GPR155: variants seen among roughly 807,000 people sequenced by gnomAD.
GPR155 encodes G protein-coupled receptor 155.
GPR155 carries 65 observed loss-of-function variants against 93.1 expected under a neutral mutation model. The observed-to-expected ratio is 0.70, with a 90% CI of 0.57 to 0.86. GPR155 has a LOEUF of 0.86. Among genes scored for constraint, GPR155 ranks in the 40% least tolerant of loss-of-function variants. GPR155 has a pLI of 0.00. For missense variants in GPR155, 838 were observed against 1,034.8 expected (o/e 0.81, Z 2.61); for synonymous variants, 319 against 360.1 (o/e 0.89, Z 1.29).
chr2:174,460,969 A>G (rs1687674453), intron 9 of GPR155, among the ~76,000 whole-genome samples: 1 of 152,184 alleles, frequency 6.6e-6, no homozygotes, highest in South Asian at 2.1e-4. Flanking sequence ...CTCCACTCCT[A>G]AAGAATTCTG....
chr2:174,432,628 GA>G lies in GPR155; in HGVS notation c.*3487del, dbSNP rs994032946. On this transcript the variant is annotated 3_prime_UTR_variant, in exon 16 of 16. Coordinates refer to ENST00000392552, the MANE Select transcript of GPR155 (RefSeq NM_152529.7). The stretch of plus-strand genomic sequence containing the variant: ...TCATAATATGGTCTTATTAAAAAAG[GA>G]AAGTTCCGCAGCAAGACAATTCAGC... 1 of 152,132 alleles carries G rather than the reference GA, an allele frequency of 6.6e-6. No homozygotes were observed. Among genetic ancestry groups the G allele is most frequent in the African/African-American group, 2.4e-5 (1 of 41,430 alleles). 9.4% of individuals were successfully genotyped at this position (152,132 alleles called of 1,614,324 possible). A position where few individuals can be genotyped will look rare whatever the true frequency, so the allele number is the denominator to read the frequency against.
At position 174,468,058 on chromosome 2, in the gene GPR155, T is replaced by C. The variant is rs541204060; in HGVS notation, c.1182+854A>G. The stretch of plus-strand genomic sequence containing the variant: ...ATCACATTCCTCATATTTTAAAGGA[T>C]TGGGTTTCCATTCTACCTACGTATT... On this transcript the variant is annotated intron_variant, in intron 5 of 15. Coordinates refer to ENST00000392552, the MANE Select transcript of GPR155 (RefSeq NM_152529.7). Among the ~76,000 whole-genome samples the C allele has an allele frequency of 4.6e-5, 7 of 152,318 alleles. No individual in the cohort carries two copies. The South Asian group carries it at 6.2e-4, about 14-fold the overall frequency.
At chr2:174,468,344 A>T (rs939473510) in intron 5 of GPR155, among the ~76,000 whole-genome samples, 1 of 152,168 alleles carries the variant, frequency 6.6e-6, no homozygotes, top group African/African-American at 2.4e-5. Flanking sequence ...TCAATAGGCC[A>T]TTTGATCTGT....
chr2:174,436,072 CGCG>C lies in GPR155; in HGVS notation c.*41_*43del, dbSNP rs1686769361. 1 of 1,522,242 alleles carries C rather than the reference CGCG, an allele frequency of 6.6e-7. No homozygotes were observed. Among genetic ancestry groups the C allele is most frequent in the Non-Finnish European group, 9.0e-7 (1 of 1,108,802 alleles). The allele number at this position is 1,522,242 out of a possible 1,614,324, so 94.3% of individuals were successfully genotyped here. ...TCACCCAGCTAAAAACTAATGAATA[CGCG>C]GCTAGAATATGATTCCATGTAGGGT... is the stretch of plus-strand genomic sequence containing the variant. On this transcript the variant is annotated 3_prime_UTR_variant, in exon 16 of 16. Coordinates refer to ENST00000392552, the MANE Select transcript of GPR155 (RefSeq NM_152529.7).
At chr2:174,483,248 G>A (rs898063042) in intron 1 of GPR155, 1 of 151,910 alleles carries the variant, frequency 6.6e-6, no homozygotes, top group African/African-American at 2.4e-5. Flanking sequence ...ATGGATCAAT[G>A]TTCTCTTTCA....
At chr2:174,486,671 C>T (rs1053996375) in intron 1 of GPR155, among the ~76,000 whole-genome samples, 1 of 152,168 alleles carries the variant, frequency 6.6e-6, no homozygotes, top group Non-Finnish European at 1.5e-5. Flanking sequence ...CCCGCGCGAG[C>T]CTTCCCGGGT....
intron 2 of GPR155, among the ~76,000 whole-genome samples, chr2:174,478,910 C>A (rs1688242435): frequency 6.6e-6 from 1 of 151,686 alleles, no homozygotes; most frequent in Non-Finnish European, 1.5e-5. Context: ...TAATAAGTTA[C>A]CTCATCAGGC....
rs1686647459 is a variant in GPR155, at chr2:174,431,602, C to T, written c.*4514G>A. On this transcript the variant is annotated 3_prime_UTR_variant, in exon 16 of 16. Transcript: ENST00000392552. Reference sequence around the variant, plus strand: ...TAATTATTTCAACCTTTTATCATACCAATTGCAGAAATTTATAATCTCATC... The same window carrying T: ...TAATTATTTCAACCTTTTATCATACTAATTGCAGAAATTTATAATCTCATC... The T allele has an allele frequency of 6.6e-6, 1 of 152,120 alleles. No individual in the cohort carries two copies. The highest frequency in any genetic ancestry group is 2.4e-5 in the African/African-American group (1 of 41,426). The allele number at this position is 152,120 out of a possible 1,614,324, so 9.4% of individuals were successfully genotyped here. A position where few individuals can be genotyped will look rare whatever the true frequency, so the allele number is the denominator to read the frequency against.
At chr2:174,438,576 C>T (rs1393084907) in intron 15 of GPR155, among the ~76,000 whole-genome samples, 2 of 152,084 alleles carry the variant, frequency 1.3e-5, no homozygotes, top group Non-Finnish European at 2.9e-5. Flanking sequence ...GGCGTGATCT[C>T]AGCTCATTGC....
At chr2:174,459,066 G>A (rs1687604375) in intron 10 of GPR155, among the ~76,000 whole-genome samples, 1 of 152,100 alleles carries the variant, frequency 6.6e-6, no homozygotes, top group Admixed American at 6.5e-5. Context: ...CTGGGTAACA[G>A]AGCGAGACTC....
intron 10 of GPR155, among the ~76,000 whole-genome samples, chr2:174,455,476 C>G (rs1000205208): frequency 2.6e-5 from 4 of 152,170 alleles, no homozygotes; most frequent in Non-Finnish European, 5.9e-5. Context: ...GAAGCAGGAG[C>G]CTGATGTGGC....
chr2:174,475,001 G>C (rs1036811040), intron 2 of GPR155, among the ~76,000 whole-genome samples: 1 of 152,188 alleles, frequency 6.6e-6, no homozygotes, highest in East Asian at 1.9e-4. Context: ...ACATGTAAAA[G>C]ATTAGGTTTC....
intron 11 of GPR155, among the ~76,000 whole-genome samples, chr2:174,451,238 C>T (rs1005036497): frequency 6.6e-6 from 1 of 151,710 alleles, no homozygotes; most frequent in Non-Finnish European, 1.5e-5. Context: ...TGCTTGAACC[C>T]GGGAGGCAGA....
chr2:174,480,782 A>T (rs4972667), intron 2 of GPR155, among the ~76,000 whole-genome samples: 44,667 of 151,400 alleles, frequency 0.3, 7,283 homozygotes, highest in East Asian at 0.5. Context: ...TTTTTTTTTT[A>T]AATTTGAGAC....
Position 174,453,834 on chromosome 2 carries a change from G to A in GPR155, c.1779C>T (p.Cys593=). 1.2e-6 allele frequency: 2 copies of A among 1,608,144 alleles called. No individual in the cohort carries two copies. The highest frequency in any genetic ancestry group is 1.7e-6 in the Non-Finnish European group (2 of 1,174,832). Residue 593 remains cysteine, a synonymous_variant, in exon 11 of 16, where the codon TGC becomes TGT. Coordinates refer to ENST00000392552, the MANE Select transcript of GPR155 (RefSeq NM_152529.7). The part of the protein sequence containing the change: ...FTSSIPETSC[C]SCSMGNGELH... ...ATTCACCATTTCCCATGGAGCAGGA[G>A]CAGCAACCTATATCAATCAAATAGT...
At chr2:174,445,385 T>C in intron 12 of GPR155, 1 of 460,578 alleles carries the variant, frequency 2.2e-6, no homozygotes, top group East Asian at 3.7e-5. Context: ...AGTTATCTAT[T>C]CTGATCAGAT....
intron 11 of GPR155, 145 bp downstream of exon 11, chr2:174,453,592 A>G (rs1232810753): frequency 1.9e-6 from 1 of 514,596 alleles, no homozygotes; most frequent in East Asian, 3.2e-5. Flanking sequence ...CCTGGGAGGC[A>G]CAGCTTGCAG....
chr2:174,443,422 A>G (rs951355847), intron 13 of GPR155, among the ~76,000 whole-genome samples: 3 of 152,212 alleles, frequency 2.0e-5, no homozygotes, highest in African/African-American at 7.2e-5. Flanking sequence ...TCTGTGGACT[A>G]ATATTCTGTA....
intron 13 of GPR155, among the ~76,000 whole-genome samples, chr2:174,444,289 C>T (rs1687049737): frequency 6.6e-6 from 1 of 151,732 alleles, no homozygotes; most frequent in Admixed American, 6.6e-5. Context: ...GTGGTGCATG[C>T]CTGTAATCCC....
Sources: allele counts gnomAD v4.1 joint callset (sites outside exome capture counted in the v4.1 genomes callset), GRCh38; gene constraint gnomAD v4.1.1; transcripts MANE v1.5; gene names NCBI Gene and HGNC (gene_info 2026-07-23, HGNC 2026-07-21).